MSH3: variants seen among roughly 807,000 people sequenced by gnomAD.
MSH3 encodes the protein DNA mismatch repair protein Msh3.
MSH3 carries 106 observed loss-of-function variants against 123.3 expected under a neutral mutation model. That is an observed-to-expected ratio of 0.86 (90% CI 0.73 to 1.01). The LOEUF (loss-of-function observed/expected upper bound fraction) is 1.01, where lower values mean the gene tolerates loss of function less well. Among genes scored for constraint, MSH3 ranks in the 50% least tolerant of loss-of-function variants. The probability of loss-of-function intolerance (pLI) is 0.00; values close to 1 mark genes in which losing one functional copy is unlikely to be tolerated. For missense variants in MSH3, 1,459 were observed against 1,347.6 expected (o/e 1.08, Z -1.29); for synonymous variants, 515 against 481.4 (o/e 1.07, Z -0.91).
At chr5:80,815,619 C>G (rs1745088005) in intron 20 of MSH3, among the ~76,000 whole-genome samples, 1 of 152,160 alleles carries the variant, frequency 6.6e-6, no homozygotes, top group African/African-American at 2.4e-5. Flanking sequence ...CTCCAGGCAT[C>G]ACATTCCTAT....
In MSH3 at chr5:80,675,083, A is replaced by C. The variant is rs1428035715; in HGVS notation, c.1128A>C (p.Glu376Asp). ...TTCTGTGCATCTCTGAAAATAAGGAAAATGTTAGGGACAAAAAAAAGGGCA... is the reference window on the plus strand; with the variant it reads ...TTCTGTGCATCTCTGAAAATAAGGACAATGTTAGGGACAAAAAAAAGGGCA... ...SYLLCISENK[E>D]NVRDKKKGNI... Residue 376 changes from glutamate to aspartate, a missense_variant, in exon 7 of 24, where the codon GAA becomes GAC. Transcript: ENST00000265081. The C allele has an allele frequency of 8.1e-6, 13 of 1,613,828 alleles. No individual in the cohort carries two copies. Among genetic ancestry groups the C allele is most frequent in the Non-Finnish European group, 1.1e-5 (13 of 1,179,906 alleles).
Position 80,654,922 on chromosome 5 carries a change from G to GCCCCCAGCTCCCGCCTTCCC in MSH3, c.196_215dup (p.His78SerfsTer9). 1 of 1,531,964 alleles carries GCCCCCAGCTCCCGCCTTCCC rather than the reference G, an allele frequency of 6.5e-7. No individual in the cohort carries two copies. Among genetic ancestry groups the GCCCCCAGCTCCCGCCTTCCC allele is most frequent in the Non-Finnish European group, 8.7e-7 (1 of 1,144,210 alleles). 94.9% of individuals were successfully genotyped at this position (1,531,964 alleles called of 1,614,324 possible). A position where few individuals can be genotyped will look rare whatever the true frequency, so the allele number is the denominator to read the frequency against. ...CCGCAGCGGCCGCAGCGCCCCCAGCGCCCCCAGCTCCCGCCTTCCCGCCCC... is the reference window on the plus strand; with the variant it reads ...CCGCAGCGGCCGCAGCGCCCCCAGCGCCCCCAGCTCCCGCCTTCCCCCCCCAGCTCCCGCCTTCCCGCCCC... On this transcript the variant is annotated frameshift_variant, in exon 1 of 24. Transcript: ENST00000265081. LOFTEE classifies it high-confidence loss of function.
At chr5:80,814,159 A>G (rs1745060090) in intron 20 of MSH3, among the ~76,000 whole-genome samples, 1 of 151,906 alleles carries the variant, frequency 6.6e-6, no homozygotes, top group African/African-American at 2.4e-5. Context: ...CAAAAACAGA[A>G]AAAAAACCCA....
chr5:80,849,672 G>A (rs1339010904), intron 20 of MSH3, among the ~76,000 whole-genome samples: 1 of 152,098 alleles, frequency 6.6e-6, no homozygotes, highest in East Asian at 1.9e-4. Flanking sequence ...GGGACACAGG[G>A]CACCAAGTCC....
Position 80,854,102 on chromosome 5 carries a change from A to G in MSH3, c.2814-28A>G, listed in dbSNP as rs776482245. The G allele has an allele frequency of 3.2e-6, 5 of 1,586,872 alleles. No homozygotes were observed. In the South Asian group the frequency reaches 5.5e-5, roughly 18 times the overall value. ...TTCCTAATAAGAAAGTGAAGAGGAAAATCAAGGTGTTTTCATCTTGCTTGT... is the reference window on the plus strand; with the variant it reads ...TTCCTAATAAGAAAGTGAAGAGGAAGATCAAGGTGTTTTCATCTTGCTTGT... On this transcript the variant is annotated intron_variant, in intron 20 of 23. Coordinates refer to ENST00000265081, the MANE Select transcript of MSH3 (RefSeq NM_002439.5).
chr5:80,750,765 T>A (rs986945144), intron 12 of MSH3, among the ~76,000 whole-genome samples: 1 of 152,166 alleles, frequency 6.6e-6, no homozygotes, highest in Non-Finnish European at 1.5e-5. Flanking sequence ...TTGTTGTCTA[T>A]AGTTTGGTTC....
At chr5:80,691,243 A>G (rs911284073) in intron 8 of MSH3, among the ~76,000 whole-genome samples, 1 of 152,038 alleles carries the variant, frequency 6.6e-6, no homozygotes, top group African/African-American at 2.4e-5. Flanking sequence ...GAATTCAGCA[A>G]TGCCATTAAA....
chr5:80,772,029 GT>G (rs1580038480), intron 15 of MSH3, among the ~76,000 whole-genome samples: 1 of 152,070 alleles, frequency 6.6e-6, no homozygotes, highest in Non-Finnish European at 1.5e-5. Context: ...GAAAGCAGAA[GT>G]TTACATAGTT....
chr5:80,692,202 A>ATAAACATGTATATGTT (rs1750292149), intron 8 of MSH3, among the ~76,000 whole-genome samples: 1 of 119,674 alleles, frequency 8.4e-6, no homozygotes. Flanking sequence ...ATATGTTTAG[A>ATAAACATGTATATGTT]TAGATAAACA....
intron 16 of MSH3, among the ~76,000 whole-genome samples, chr5:80,777,095 C>CT (rs1043518778): frequency 5.3e-5 from 8 of 151,068 alleles, no homozygotes; most frequent in African/African-American, 1.2e-4. Context: ...CCACAGACGG[C>CT]TTTTTTTTGT....
At chr5:80,735,381 C>CAA (rs58588808) in intron 10 of MSH3, among the ~76,000 whole-genome samples, 61 of 59,526 alleles carry the variant, frequency 1.0e-3, no homozygotes, top group African/African-American at 2.0e-3. Flanking sequence ...GACTTCATCT[C>CAA]AAAAAAAAAA....
chr5:80,738,044 CCA>C (rs1366667818), intron 10 of MSH3, among the ~76,000 whole-genome samples: 1 of 152,140 alleles, frequency 6.6e-6, no homozygotes, highest in African/African-American at 2.4e-5. Context: ...AAATAAAAAA[CCA>C]CACACACAAC....
chr5:80,705,067 G>A (rs190565580), intron 8 of MSH3, among the ~76,000 whole-genome samples: 1 of 152,312 alleles, frequency 6.6e-6, no homozygotes, highest in Non-Finnish European at 1.5e-5. Flanking sequence ...AGAGTAGCAA[G>A]CATTAAATGA....
chr5:80,750,628 C>T (rs138782481), intron 12 of MSH3, among the ~76,000 whole-genome samples: 25 of 152,170 alleles, frequency 1.6e-4, no homozygotes, highest in Admixed American at 2.6e-4. Context: ...GTATATTAGC[C>T]CCTTATCCAG....
At chr5:80,696,450 C>T (rs577155043) in intron 8 of MSH3, among the ~76,000 whole-genome samples, 1 of 152,236 alleles carries the variant, frequency 6.6e-6, no homozygotes, top group Admixed American at 6.5e-5. Flanking sequence ...GCTAGGCTTC[C>T]TCTTCTCTGG....
At position 80,696,887 on chromosome 5, in the gene MSH3, T is replaced by C. The variant is rs564257775; in HGVS notation, c.1340+17794T>C. Among the ~76,000 whole-genome samples the C allele has an allele frequency of 6.6e-5, 10 of 152,350 alleles. No homozygotes were observed. In the East Asian group the frequency reaches 1.9e-3, roughly 29 times the overall value. Reference sequence around the variant, plus strand: ...CTGCAATAGAATTGAATTTTGCACATGGGTGAATCTGATTGAGAAAAAGAA... The same window carrying C: ...CTGCAATAGAATTGAATTTTGCACACGGGTGAATCTGATTGAGAAAAAGAA... On this transcript the variant is annotated intron_variant, in intron 8 of 23. Coordinates refer to ENST00000265081, the MANE Select transcript of MSH3 (RefSeq NM_002439.5).
At chr5:80,711,456 G>A (rs1750855516) in intron 8 of MSH3, among the ~76,000 whole-genome samples, 2 of 152,156 alleles carry the variant, frequency 1.3e-5, no homozygotes, top group South Asian at 4.1e-4. Context: ...CACAGGTGCT[G>A]TGTCTTCCTG....
chr5:80,724,177 A>G (rs1215337139), intron 8 of MSH3, among the ~76,000 whole-genome samples: 2 of 152,242 alleles, frequency 1.3e-5, no homozygotes, highest in East Asian at 1.9e-4. Flanking sequence ...GTGACAAAAC[A>G]TTAACACCAA....
At position 80,779,532 on chromosome 5, in the gene MSH3, TA is replaced by T. The variant is rs151264470; in HGVS notation, c.2435+704del. 1.5e-4 allele frequency among the ~76,000 whole-genome samples: 22 copies of T among 150,680 alleles called. No homozygotes were observed. The South Asian group carries it at 3.8e-3, about 26-fold the overall frequency. On this transcript the variant is annotated intron_variant, in intron 17 of 23. Coordinates refer to ENST00000265081, the MANE Select transcript of MSH3 (RefSeq NM_002439.5). ...TCTTAACACCATTTATTATTACATCTAAAAAAAATTAACATTAATTTTTTTT... is the reference window on the plus strand; with the variant it reads ...TCTTAACACCATTTATTATTACATCTAAAAAAATTAACATTAATTTTTTTT...
Sources: allele counts gnomAD v4.1 joint callset (sites outside exome capture counted in the v4.1 genomes callset), GRCh38; gene constraint gnomAD v4.1.1; transcripts MANE v1.5; gene names NCBI Gene and HGNC (gene_info 2026-07-23, HGNC 2026-07-21).